The following FNIP2 variants were observed in gnomAD, a reference collection of about 807,000 sequenced individuals.
The protein encoded by FNIP2 is folliculin-interacting protein 2.
In FNIP2, 32 loss-of-function variants were observed where a neutral mutation model predicts 108.7. That is an observed-to-expected ratio of 0.29 (90% CI 0.22 to 0.40). The LOEUF (loss-of-function observed/expected upper bound fraction) is 0.40. FNIP2 is among the 10% of genes least tolerant of loss of function. The probability of loss-of-function intolerance (pLI) is 1.00; values close to 1 mark genes in which losing one functional copy is unlikely to be tolerated. For missense variants in FNIP2, 1,202 were observed against 1,381.6 expected (o/e 0.87, Z 2.06); for synonymous variants, 480 against 496.7 (o/e 0.97, Z 0.45).
rs528043322 is a variant in FNIP2 at position 158,887,692 on chromosome 4, G to A, written c.2950-3754G>A. Among the ~76,000 whole-genome samples, 3 of 119,832 alleles carry A rather than the reference G, an allele frequency of 2.5e-5. No homozygotes were observed. In the East Asian group the frequency reaches 8.2e-4, roughly 33 times the overall value. The allele number at this position is 119,832 out of a possible 152,430, so 78.6% of individuals were successfully genotyped here. On this transcript the variant is annotated intron_variant, in intron 14 of 16. Coordinates refer to ENST00000264433, the MANE Select transcript of FNIP2 (RefSeq NM_020840.3). ...GCGGAGGTTGTAGAGAGCCGAGAAT[G>A]CACTACTGCACTCCAGCCTGGGTGA...
chr4:158,783,405 G>A (rs1449023750), intron 1 of FNIP2, among the ~76,000 whole-genome samples: 1 of 152,208 alleles, frequency 6.6e-6, no homozygotes, highest in African/African-American at 2.4e-5. Flanking sequence ...CCTCAGAGAT[G>A]TTTTTAGTTG....
At chr4:158,781,616 G>T (rs1250242290) in intron 1 of FNIP2, among the ~76,000 whole-genome samples, 1 of 152,166 alleles carries the variant, frequency 6.6e-6, no homozygotes, top group Non-Finnish European at 1.5e-5. Context: ...CCAGGTTCAG[G>T]TGATTCTCCT....
At chr4:158,891,035 A>C (rs1047311954) in intron 14 of FNIP2, among the ~76,000 whole-genome samples, 2 of 152,216 alleles carry the variant, frequency 1.3e-5, no homozygotes, top group African/African-American at 4.8e-5. Flanking sequence ...TTAAGCAGCC[A>C]AAAGAATCAA....
intron 1 of FNIP2, chr4:158,808,451 C>T (rs1777090588): frequency 6.6e-6 from 1 of 151,942 alleles, no homozygotes; most frequent in Non-Finnish European, 1.5e-5. Context: ...GAACTTTGTA[C>T]AATGATGACA....
chr4:158,783,319 GCT>G, intron 1 of FNIP2, among the ~76,000 whole-genome samples: 1 of 152,184 alleles, frequency 6.6e-6, no homozygotes, highest in Non-Finnish European at 1.5e-5. Context: ...CCTGTGCTCT[GCT>G]CTCCATTTAT....
In FNIP2 at chr4:158,802,178, C is replaced by T. The variant is rs536536943; in HGVS notation, c.108-23738C>T. Among the ~76,000 whole-genome samples the T allele has an allele frequency of 2.0e-4, 30 of 152,248 alleles. 1 individual carries two copies. The South Asian group carries it at 5.8e-3, about 29-fold the overall frequency. ...TTGTGTCTTTCTGGGGACCGTGCTT[C>T]GAAGTCTCTGGTAGAAAGATTTGTG... On this transcript the variant is annotated intron_variant, in intron 1 of 16. Coordinates refer to ENST00000264433, the MANE Select transcript of FNIP2 (RefSeq NM_020840.3).
At chr4:158,771,986 C>T (rs916641026) in intron 1 of FNIP2, among the ~76,000 whole-genome samples, 4 of 152,170 alleles carry the variant, frequency 2.6e-5, no homozygotes, top group Non-Finnish European at 4.4e-5. Context: ...TCTCACAGGT[C>T]ATTTTCAGGA....
chr4:158,888,887 A>G (rs1483954496), intron 14 of FNIP2, among the ~76,000 whole-genome samples: 2 of 152,022 alleles, frequency 1.3e-5, no homozygotes, highest in Non-Finnish European at 2.9e-5. Flanking sequence ...AAAAAAAAAA[A>G]AAAAAGTAAG....
intron 10 of FNIP2, among the ~76,000 whole-genome samples, chr4:158,860,096 A>G (rs923131203): frequency 6.6e-6 from 1 of 152,192 alleles, no homozygotes; most frequent in Non-Finnish European, 1.5e-5. Context: ...GGACAGTCCT[A>G]GTTTACACCA....
rs371606845 is a variant in FNIP2 at position 158,868,710 on chromosome 4, A to G, written c.2074A>G (p.Thr692Ala). The G allele has an allele frequency of 6.8e-6, 11 of 1,613,918 alleles. No individual in the cohort carries two copies. Among genetic ancestry groups the G allele is most frequent in the South Asian group, 4.4e-5 (4 of 91,090 alleles). The stretch of plus-strand genomic sequence containing the variant: ...TGAGCTGTTGAAAGTGGAGATGCCT[A>G]CAAGACTGCCAGACCGGTCAGTGGC... ...VCELLKVEMP[T>A]RLPDRSVAWP... Residue 692 changes from threonine (T) to alanine (A), a missense_variant, in exon 13 of 17, where the codon ACA becomes GCA. Around this residue, in one of 5 missense-constraint regions of FNIP2, gnomAD observed 878 missense variants for 990.3 expected, o/e 0.89. Coordinates refer to ENST00000264433, the MANE Select transcript of FNIP2 (RefSeq NM_020840.3). This position sits in a 1 kb window ranked among gnomAD's most constrained non-coding sequence, Gnocchi z 4.6.
Position 158,891,608 on chromosome 4 carries a change from A to G in FNIP2, c.3112A>G (p.Ile1038Val), listed in dbSNP as rs768943544. The part of the protein sequence containing the change: ...SSQVSSLLQS[I>V]LQLYKLHLPA... ...TCAGGTGTCCAGTTTGCTTCAGTCC[A>G]TTTTACAGCTCTATAAGCTTCACCT... Residue 1038 changes from isoleucine to valine, a missense_variant, in exon 15 of 17, where the codon ATT (isoleucine) becomes GTT (valine). Physicochemically the swap from Ile to Val is conservative, Grantham distance 29. Around this residue, in one of 5 missense-constraint regions of FNIP2, gnomAD observed 142 missense variants for 183.8 expected, o/e 0.77. Coordinates refer to ENST00000264433, the MANE Select transcript of FNIP2 (RefSeq NM_020840.3). 1.8e-5 allele frequency: 29 copies of G among 1,612,864 alleles called. No individual in the cohort carries two copies. The Admixed American group carries it at 4.8e-4, about 27-fold the overall frequency.
intron 1 of FNIP2, chr4:158,808,592 CTTCTT>C (rs368885198): frequency 4.9e-4 from 75 of 152,266 alleles, no homozygotes; most frequent in African/African-American, 1.6e-3. Flanking sequence ...GTTTCCAGAA[CTTCTT>C]TAGGACTTGG....
intron 1 of FNIP2, among the ~76,000 whole-genome samples, chr4:158,785,690 TTTTTTC>T (rs992599127): frequency 1.0e-4 from 15 of 147,332 alleles, no homozygotes; most frequent in Non-Finnish European, 1.8e-4. Flanking sequence ...GGGTTCTTTC[TTTTTTC>T]TTTTTCTTTC....
intron 14 of FNIP2, chr4:158,872,314 G>A: frequency 2.0e-6 from 2 of 985,350 alleles, no homozygotes; most frequent in Non-Finnish European, 2.4e-6. Flanking sequence ...ATTTTTGTGT[G>A]TTAGATTTTC....
At chr4:158,823,759 A>G (rs773815399) in intron 1 of FNIP2, among the ~76,000 whole-genome samples, 1 of 152,150 alleles carries the variant, frequency 6.6e-6, no homozygotes, top group Non-Finnish European at 1.5e-5. Context: ...AATAGCCACC[A>G]CCAACTCCAG....
At chr4:158,816,190 A>T (rs752699468) in intron 1 of FNIP2, among the ~76,000 whole-genome samples, 1 of 152,180 alleles carries the variant, frequency 6.6e-6, no homozygotes, top group Non-Finnish European at 1.5e-5. Flanking sequence ...GAGACCTTAC[A>T]CAGAGAATCA....
intron 15 of FNIP2, among the ~76,000 whole-genome samples, chr4:158,894,299 T>G (rs1262475292): frequency 6.6e-6 from 1 of 151,852 alleles, no homozygotes; most frequent in Non-Finnish European, 1.5e-5. Context: ...GCCTCCTGAT[T>G]AGCTAGGACT....
At chr4:158,797,372 A>G (rs959268609) in intron 1 of FNIP2, among the ~76,000 whole-genome samples, 2 of 152,214 alleles carry the variant, frequency 1.3e-5, no homozygotes, top group Non-Finnish European at 2.9e-5. Context: ...TGAGTGAGAT[A>G]CCAGTACGAA....
chr4:158,871,177 C>T (rs892036139), intron 14 of FNIP2, among the ~76,000 whole-genome samples: 2 of 152,184 alleles, frequency 1.3e-5, no homozygotes, highest in African/African-American at 4.8e-5. Context: ...AAAATTGCCT[C>T]GTGGCTGCTA....
Sources: gnomAD v4.1 joint callset for allele counts (sites outside exome capture counted in the v4.1 genomes callset) on GRCh38, gnomAD v4.1.1 for gene constraint, gnomAD v4.1.1 regional missense constraint, Gnocchi (gnomAD v3.1) non-coding constraint, MANE v1.5 for transcripts, NCBI Gene and HGNC (gene_info 2026-07-23, HGNC 2026-07-21) for gene names.